PHACTR1: variants seen among roughly 807,000 people sequenced by gnomAD.
The protein encoded by PHACTR1 is phosphatase and actin regulator 1, also known as RPEL repeat containing 1.
Under a neutral mutation model 69.2 loss-of-function variants are expected in PHACTR1, and 16 were observed. That is an observed-to-expected ratio of 0.23 (90% confidence interval 0.16 to 0.35). PHACTR1 has a LOEUF of 0.35. Among genes scored for constraint, PHACTR1 ranks in the 10% least tolerant of loss-of-function variants. PHACTR1 has a pLI of 1.00. For synonymous variants in PHACTR1, 312 were observed against 284.5 expected, an observed-to-expected ratio of 1.10 and a Z score of -0.97; for missense variants, 510 against 734.7, an observed-to-expected ratio of 0.69 and a Z score of 3.54.
intron 4 of PHACTR1, among the ~76,000 whole-genome samples, chr6:12,781,878 A>G (rs1241558319): frequency 1.3e-5 from 2 of 152,226 alleles, no homozygotes; most frequent in African/African-American, 4.8e-5. Context: ...GCATTTAGCC[A>G]CACCATGACA....
intron 4 of PHACTR1, among the ~76,000 whole-genome samples, chr6:12,949,456 T>G (rs1183438760): frequency 6.6e-6 from 1 of 151,980 alleles, no homozygotes; most frequent in African/African-American, 2.4e-5. Context: ...AAGTGCTCAT[T>G]GGGAGGGAAG....
In PHACTR1 at chr6:12,959,089, A is replaced by G. The variant is rs370664025; in HGVS notation, c.251-94276A>G. On this transcript the variant is annotated intron_variant, in intron 4 of 14. Coordinates refer to ENST00000332995, the MANE Select transcript of PHACTR1 (RefSeq NM_030948.6). ...CTACTGGGGAGCCTGTGGCATGAGA[A>G]TAGCTTGAACCCAGGAGGCGGAGGC... is the stretch of plus-strand genomic sequence containing the variant. Among the ~76,000 whole-genome samples, 68 of 148,346 alleles carry G rather than the reference A, an allele frequency of 4.6e-4. 1 individual carries two copies. In the South Asian group the frequency reaches 0.014, roughly 30 times the overall value.
intron 4 of PHACTR1, chr6:12,933,993 A>T: frequency 1.3e-6 from 2 of 1,507,678 alleles, no homozygotes; most frequent in Non-Finnish European, 1.8e-6. Flanking sequence ...AAACTACATG[A>T]CATAAAACAA....
chr6:12,811,752 G>T (rs1775037678), intron 4 of PHACTR1, among the ~76,000 whole-genome samples: 1 of 151,986 alleles, frequency 6.6e-6, no homozygotes, highest in Non-Finnish European at 1.5e-5. Context: ...TCTTCATCAG[G>T]TACCGTTGTT....
chr6:12,825,989 G>T (rs1159678708), intron 4 of PHACTR1, among the ~76,000 whole-genome samples: 1 of 152,166 alleles, frequency 6.6e-6, no homozygotes, highest in Non-Finnish European at 1.5e-5. Context: ...AGTTTTGTTT[G>T]TATTTTAATT....
At chr6:12,898,702 G>A (rs1784915208) in intron 4 of PHACTR1, among the ~76,000 whole-genome samples, 1 of 152,126 alleles carries the variant, frequency 6.6e-6, no homozygotes, top group African/African-American at 2.4e-5. Flanking sequence ...TCGTGCTGCA[G>A]GCAGAACACT....
intron 10 of PHACTR1, among the ~76,000 whole-genome samples, chr6:13,249,346 C>G (rs949454461): frequency 1.3e-5 from 2 of 152,154 alleles, no homozygotes; most frequent in Non-Finnish European, 2.9e-5. Flanking sequence ...ATCACCCCAA[C>G]CCCTGAAACC....
At chr6:12,753,997 C>G (rs1239110905) in intron 4 of PHACTR1, among the ~76,000 whole-genome samples, 2 of 146,894 alleles carry the variant, frequency 1.4e-5, no homozygotes, top group Non-Finnish European at 3.0e-5. Context: ...GAGTCTCACT[C>G]TGTCACCCAG....
chr6:13,171,665 C>T (rs2113641271), intron 6 of PHACTR1, among the ~76,000 whole-genome samples: 1 of 152,326 alleles, frequency 6.6e-6, no homozygotes, highest in South Asian at 2.1e-4. Context: ...TTGAACACCA[C>T]TACATGTGTC....
chr6:13,214,454 A>G (rs922948349), intron 8 of PHACTR1, among the ~76,000 whole-genome samples: 1 of 152,230 alleles, frequency 6.6e-6, no homozygotes, highest in Non-Finnish European at 1.5e-5. Flanking sequence ...GTCCCTTCTT[A>G]TTAATTCTCT....
Position 12,858,977 on chromosome 6 carries a change from C to G in PHACTR1, c.250+109187C>G, listed in dbSNP as rs200836480. On this transcript the variant is annotated intron_variant, in intron 4 of 14. Transcript: ENST00000332995. Reference sequence around the variant, plus strand: ...GATGTCAGTTTCATAAGGGAGAAAACTAAAGCTTGGCGAATTTAAATAGCT... The same window carrying G: ...GATGTCAGTTTCATAAGGGAGAAAAGTAAAGCTTGGCGAATTTAAATAGCT... Among the ~76,000 whole-genome samples the G allele has an allele frequency of 3.3e-5, 5 of 152,288 alleles. No homozygotes were observed. In the East Asian group the frequency reaches 5.8e-4, roughly 18 times the overall value.
chr6:13,014,502 C>T (rs1411753809), intron 4 of PHACTR1, among the ~76,000 whole-genome samples: 2 of 152,194 alleles, frequency 1.3e-5, no homozygotes, highest in Non-Finnish European at 1.5e-5. Flanking sequence ...ACTGTTGCCC[C>T]GTCCTCCTAT....
At chr6:12,734,304 G>A (rs926295705) in intron 3 of PHACTR1, among the ~76,000 whole-genome samples, 2 of 152,140 alleles carry the variant, frequency 1.3e-5, no homozygotes, top group Non-Finnish European at 2.9e-5. Context: ...ATTATGCCAA[G>A]GTTTAATTTC....
intron 5 of PHACTR1, among the ~76,000 whole-genome samples, chr6:13,113,635 C>A (rs1817380265): frequency 2.0e-5 from 3 of 152,100 alleles, no homozygotes; most frequent in Admixed American, 2.0e-4. Context: ...ACAATAGAAA[C>A]AAAACCAGAT....
At chr6:12,979,835 G>A (rs140420565) in intron 4 of PHACTR1, among the ~76,000 whole-genome samples, 2 of 151,730 alleles carry the variant, frequency 1.3e-5, no homozygotes, top group South Asian at 2.1e-4. Flanking sequence ...AAAATCAAAC[G>A]CTAAAAGGTT....
chr6:13,155,199 A>G (rs938294219), intron 5 of PHACTR1, among the ~76,000 whole-genome samples: 1 of 152,068 alleles, frequency 6.6e-6, no homozygotes, highest in African/African-American at 2.4e-5. Flanking sequence ...GCATGTACTT[A>G]CCGTAAGTGC....
intron 4 of PHACTR1, among the ~76,000 whole-genome samples, chr6:12,869,007 GT>G (rs1178100618): frequency 2.8e-4 from 43 of 152,198 alleles, no homozygotes; most frequent in African/African-American, 9.9e-4. Context: ...GCAGGTCCTT[GT>G]GAATTCTATT....
intron 5 of PHACTR1, among the ~76,000 whole-genome samples, chr6:13,072,747 G>A (rs544938580): frequency 6.6e-6 from 1 of 152,134 alleles, no homozygotes; most frequent in African/African-American, 2.4e-5. Flanking sequence ...CTTTGGGATA[G>A]AGATCTGGTT....
intron 4 of PHACTR1, among the ~76,000 whole-genome samples, chr6:12,819,423 A>G (rs991930647): frequency 6.6e-6 from 1 of 152,160 alleles, no homozygotes; most frequent in Non-Finnish European, 1.5e-5. Flanking sequence ...CATATATTTC[A>G]ACCACACAGG....
Sources: gnomAD v4.1 joint callset for allele counts (sites outside exome capture counted in the v4.1 genomes callset) on GRCh38, gnomAD v4.1.1 for gene constraint, MANE v1.5 for transcripts, NCBI Gene and HGNC (gene_info 2026-07-23, HGNC 2026-07-21) for gene names.